The following PHACTR2 variants were observed in gnomAD, a reference collection of about 807,000 sequenced individuals.
The protein encoded by PHACTR2 is phosphatase and actin regulator 2.
Under a neutral mutation model 76.0 loss-of-function variants are expected in PHACTR2, and 30 were observed. The observed-to-expected ratio is 0.39, with a 90% confidence interval of 0.30 to 0.54. PHACTR2 has a LOEUF of 0.54. PHACTR2 is among the 20% of genes least tolerant of loss of function. The probability of loss-of-function intolerance (pLI) is 0.61; values close to 1 mark genes in which losing one functional copy is unlikely to be tolerated. For missense variants in PHACTR2, 696 were observed against 781.1 expected (o/e 0.89, Z 1.30); for synonymous variants, 292 against 292.5 (o/e 1.00, Z 0.02).
rs546601185 is a variant in PHACTR2 at position 143,684,575 on chromosome 6, TA to T, written c.46+6367del. Reference sequence around the variant, plus strand: ...TGTGTTTTATTTTGATAGACTTTGCTACATTATTCTCAAAGAGGCTTTCTCA... The same window carrying T: ...TGTGTTTTATTTTGATAGACTTTGCTCATTATTCTCAAAGAGGCTTTCTCA... On this transcript the variant is annotated intron_variant, in intron 1 of 12. Transcript: ENST00000440869. This position sits in a 1 kb window ranked among gnomAD's most constrained non-coding sequence, Gnocchi z 4.3. 2.0e-5 allele frequency among the ~76,000 whole-genome samples: 3 copies of T among 152,372 alleles called. No homozygotes were observed. The South Asian group carries it at 6.2e-4, about 32-fold the overall frequency.
intron 1 of PHACTR2, among the ~76,000 whole-genome samples, chr6:143,694,111 G>GAAGAAGGAAGGA (rs974395062): frequency 1.4e-4 from 20 of 141,580 alleles, no homozygotes; most frequent in African/African-American, 5.2e-4. Context: ...GGAAGGGAGG[G>GAAGAAGGAAGGA]AAGAAGGAAG....
Position 143,652,990 on chromosome 6 carries a change from G to A in PHACTR2, c.13+44668G>A, listed in dbSNP as rs986483425. 1.3e-5 allele frequency among the ~76,000 whole-genome samples: 2 copies of A among 152,204 alleles called. No homozygotes were observed. Among genetic ancestry groups the A allele is most frequent in the South Asian group, 2.1e-4 (1 of 4,828 alleles). Reference sequence around the variant, plus strand: ...AAGCTCCCTGGCAAGCAATAGAAAAGCACCAGGTGTTCCCAGCAGCGCTCT... The same window carrying A: ...AAGCTCCCTGGCAAGCAATAGAAAAACACCAGGTGTTCCCAGCAGCGCTCT... On this transcript the variant is annotated intron_variant, in intron 1 of 11. Coordinates refer to the PHACTR2 transcript ENST00000305766. This position sits in a 1 kb window ranked among gnomAD's most constrained non-coding sequence, Gnocchi z 4.5.
chr6:143,761,554 G>C lies in PHACTR2; in HGVS notation c.694+914G>C, dbSNP rs1779442107. 6.6e-6 allele frequency among the ~76,000 whole-genome samples: 1 copy of C among 152,114 alleles called. No individual in the cohort carries two copies. Among genetic ancestry groups the C allele is most frequent in the South Asian group, 2.1e-4 (1 of 4,822 alleles). On this transcript the variant is annotated intron_variant, in intron 5 of 12. Transcript: ENST00000440869. This position sits in a 1 kb window ranked among gnomAD's most constrained non-coding sequence, Gnocchi z 5.2. Reference sequence around the variant, plus strand: ...CGATCACTTGAGGTCAGGAGTTCGAGACCAACCTGGTCAACATGGTGAAAC... The same window carrying C: ...CGATCACTTGAGGTCAGGAGTTCGACACCAACCTGGTCAACATGGTGAAAC...
chr6:143,678,251 G>A lies in PHACTR2; in HGVS notation c.46+42G>A, dbSNP rs1281527635. Reference sequence around the variant, plus strand: ...CGCGATGCGCTCCCGCCGCGCGGGCGCAGGGCTGGCGGCGGGGCCCCGGGG... The same window carrying A: ...CGCGATGCGCTCCCGCCGCGCGGGCACAGGGCTGGCGGCGGGGCCCCGGGG... On this transcript the variant is annotated intron_variant, in intron 1 of 12. Coordinates refer to ENST00000440869, the MANE Select transcript of PHACTR2 (RefSeq NM_001100164.2). This position sits in a 1 kb window ranked among gnomAD's most constrained non-coding sequence, Gnocchi z 6.2. 2 of 1,425,444 alleles carry A rather than the reference G, an allele frequency of 1.4e-6. No individual in the cohort carries two copies. Among genetic ancestry groups the A allele is most frequent in the South Asian group, 1.5e-5 (1 of 65,462 alleles). The allele number at this position is 1,425,444 out of a possible 1,614,324, so 88.3% of individuals were successfully genotyped here.
In PHACTR2 at chr6:143,598,517, T is replaced by C. The variant is rs1775777594; in HGVS notation, c.217+61310T>C. The stretch of plus-strand genomic sequence containing the variant: ...AGCCACTAAATTGGTGGTAATTTGT[T>C]ACAGTAGCAACAGGAAACTAATACT... On this transcript the variant is annotated intron_variant, in intron 1 of 11. Transcript: ENST00000367584. The surrounding 1 kb of genome is among the most constrained non-coding windows in gnomAD (Gnocchi z 4.1). Among the ~76,000 whole-genome samples, 2 of 152,174 alleles carry C rather than the reference T, an allele frequency of 1.3e-5. No individual in the cohort carries two copies.
chr6:143,740,508 T>TAAAAAA (rs10638908), intron 2 of PHACTR2, among the ~76,000 whole-genome samples: 3,861 of 128,388 alleles, frequency 0.03, 122 homozygotes, highest in African/African-American at 0.075. Context: ...TCCTTTTAAT[T>TAAAAAA]AAAAAAAAAA....
At chr6:143,649,952 G>T (rs1443436762) in intron 1 of PHACTR2, among the ~76,000 whole-genome samples, 2 of 152,164 alleles carry the variant, frequency 1.3e-5, no homozygotes, top group South Asian at 2.1e-4. Flanking sequence ...CATTGTCTCA[G>T]CCCAAAAACT....
At chr6:143,577,967 C>T (rs1242930547) in intron 1 of PHACTR2, among the ~76,000 whole-genome samples, 1 of 152,154 alleles carries the variant, frequency 6.6e-6, no homozygotes, top group Non-Finnish European at 1.5e-5. Context: ...GGTAAGTTCT[C>T]ATTATTTATT....
At chr6:143,713,116 G>A (rs993602565) in intron 2 of PHACTR2, among the ~76,000 whole-genome samples, 2 of 152,138 alleles carry the variant, frequency 1.3e-5, no homozygotes, top group African/African-American at 4.8e-5. Context: ...TTATTGGTCT[G>A]TACTAAGATA....
chr6:143,537,890 T>C lies in PHACTR2; in HGVS notation c.217+683T>C, dbSNP rs1781133386. Among the ~76,000 whole-genome samples the C allele has an allele frequency of 1.3e-5, 2 of 152,172 alleles. No homozygotes were observed. Among genetic ancestry groups the C allele is most frequent in the Admixed American group, 6.5e-5 (1 of 15,286 alleles). ...GGAGGCCCAAGGCCGGCCGATCACTTGAGGTCAAAAGTTCGAGACCGGCCT... is the reference window on the plus strand; with the variant it reads ...GGAGGCCCAAGGCCGGCCGATCACTCGAGGTCAAAAGTTCGAGACCGGCCT... On this transcript the variant is annotated intron_variant, in intron 1 of 11. Transcript: ENST00000367584. The surrounding 1 kb of genome is among the most constrained non-coding windows in gnomAD (Gnocchi z 4.4).
rs992547929 is a variant in PHACTR2 at position 143,783,291 on chromosome 6, C to T, written c.1707+11C>T. Reference sequence around the variant, plus strand: ...AGACTCAGCAGAAAGGTAATGAAATCATAACTATTAATGAGCATATGTGTT... The same window carrying T: ...AGACTCAGCAGAAAGGTAATGAAATTATAACTATTAATGAGCATATGTGTT... On this transcript the variant is annotated intron_variant, in intron 10 of 12. Coordinates refer to ENST00000440869, the MANE Select transcript of PHACTR2 (RefSeq NM_001100164.2). The surrounding 1 kb of genome is among the most constrained non-coding windows in gnomAD (Gnocchi z 5.2). 6.4e-7 allele frequency: 1 copy of T among 1,561,346 alleles called. No individual in the cohort carries two copies.
intron 1 of PHACTR2, among the ~76,000 whole-genome samples, chr6:143,628,924 GATATATATATATAT>G (rs71024862): frequency 0.032 from 1,081 of 33,656 alleles, 11 homozygotes; most frequent in Non-Finnish European, 0.04. Flanking sequence ...AAATGCAGGA[GATATATATATATAT>G]ATATATATAT....
chr6:143,595,207 A>T lies in PHACTR2; in HGVS notation c.217+58000A>T, dbSNP rs904937456. On this transcript the variant is annotated intron_variant, in intron 1 of 11. Transcript: ENST00000367584. This position sits in a 1 kb window ranked among gnomAD's most constrained non-coding sequence, Gnocchi z 4.2. ...GCTTATTAAAAAGTTCAATTAGAGG[A>T]TGGGCACTAAAATATATATGAACTA... Among the ~76,000 whole-genome samples, 17 of 152,332 alleles carry T rather than the reference A, an allele frequency of 1.1e-4. No homozygotes were observed. The East Asian group carries it at 2.9e-3, about 26-fold the overall frequency.
Position 143,789,107 on chromosome 6 carries a change from A to T in PHACTR2, c.1845+197A>T. The T allele has an allele frequency of 2.2e-6, 1 of 462,116 alleles. No individual in the cohort carries two copies. Among genetic ancestry groups the T allele is most frequent in the East Asian group, 3.1e-5 (1 of 32,168 alleles). 28.6% of individuals were successfully genotyped at this position (462,116 alleles called of 1,614,324 possible). A position where few individuals can be genotyped will look rare whatever the true frequency, so the allele number is the denominator to read the frequency against. On this transcript the variant is annotated intron_variant, in intron 11 of 12. Transcript: ENST00000440869. The surrounding 1 kb of genome is among the most constrained non-coding windows in gnomAD (Gnocchi z 5.1). ...TAGTTCTTTCAACTAAGTCTCAGAG[A>T]AAAGTAGTTATTTACCATATAACCT... is the stretch of plus-strand genomic sequence containing the variant.
intron 2 of PHACTR2, among the ~76,000 whole-genome samples, chr6:143,725,820 CAAAA>C (rs35596471): frequency 8.9e-4 from 117 of 131,986 alleles, no homozygotes; most frequent in Middle Eastern, 3.9e-3. Flanking sequence ...GACTCTGTCT[CAAAA>C]AAAAAAAAAA....
At position 143,800,210 on chromosome 6, in the gene PHACTR2, A is replaced by AT. The variant is rs928470407; in HGVS notation, c.1846-6840dup. On this transcript the variant is annotated intron_variant, in intron 11 of 12. Coordinates refer to ENST00000440869, the MANE Select transcript of PHACTR2 (RefSeq NM_001100164.2). The surrounding 1 kb of genome is among the most constrained non-coding windows in gnomAD (Gnocchi z 4.8). Reference sequence around the variant, plus strand: ...AGAGACCAGGATTGCAACCTGTGCTATTTTTTTACTTTCTATTTGCTTGGT... The same window carrying AT: ...AGAGACCAGGATTGCAACCTGTGCTATTTTTTTTACTTTCTATTTGCTTGGT... Among the ~76,000 whole-genome samples the AT allele has an allele frequency of 3.3e-5, 5 of 151,772 alleles. No homozygotes were observed. Among genetic ancestry groups the AT allele is most frequent in the Admixed American group, 1.3e-4 (2 of 15,212 alleles).
In PHACTR2 at chr6:143,777,503, A is replaced by G; in HGVS notation, c.1645+120A>G. 2.2e-6 allele frequency: 1 copy of G among 457,730 alleles called. No individual in the cohort carries two copies. Among genetic ancestry groups the G allele is most frequent in the East Asian group, 3.5e-5 (1 of 28,834 alleles). 28.4% of individuals were successfully genotyped at this position (457,730 alleles called of 1,614,324 possible). A position where few individuals can be genotyped will look rare whatever the true frequency, so the allele number is the denominator to read the frequency against. On this transcript the variant is annotated intron_variant, in intron 9 of 12. Transcript: ENST00000440869. This position sits in a 1 kb window ranked among gnomAD's most constrained non-coding sequence, Gnocchi z 4.6. ...TCATTTACTCAAGATGGACTGAAAT[A>G]GTCCATTTATGTCACATTTATATGT... is the stretch of plus-strand genomic sequence containing the variant.
chr6:143,600,809 AGAAGCCT>A (rs1454099363), intron 1 of PHACTR2, among the ~76,000 whole-genome samples: 1 of 152,402 alleles, frequency 6.6e-6, no homozygotes, highest in Non-Finnish European at 1.5e-5. Context: ...AAATTGAGAC[AGAAGCCT>A]GAAGCTTTAA....
chr6:143,648,996 G>A lies in PHACTR2; in HGVS notation c.13+40674G>A, dbSNP rs1233771112. On this transcript the variant is annotated intron_variant, in intron 1 of 11. Coordinates refer to the PHACTR2 transcript ENST00000305766. The surrounding 1 kb of genome is among the most constrained non-coding windows in gnomAD (Gnocchi z 6.7). ...TATGACTGTTTCTATGTATGTCTCT[G>A]TGTGTCTCTGTGTGTGTCTGTGTGT... Among the ~76,000 whole-genome samples, 1 of 137,600 alleles carries A rather than the reference G, an allele frequency of 7.3e-6. No homozygotes were observed. The highest frequency in any genetic ancestry group is 3.0e-5 in the African/African-American group (1 of 33,128). 90.3% of individuals were successfully genotyped at this position (137,600 alleles called of 152,430 possible). A position where few individuals can be genotyped will look rare whatever the true frequency, so the allele number is the denominator to read the frequency against.
Sources: allele counts gnomAD v4.1 joint callset (sites outside exome capture counted in the v4.1 genomes callset), GRCh38; gene constraint gnomAD v4.1.1; non-coding constraint Gnocchi (gnomAD v3.1); transcripts MANE v1.5; gene names NCBI Gene and HGNC (gene_info 2026-07-23, HGNC 2026-07-21).